SKAP2: variants seen among roughly 807,000 people sequenced by gnomAD.
SKAP2 encodes the protein src kinase associated phosphoprotein 2, also known as src kinase-associated phosphoprotein 2.
A neutral mutation model predicts 54.9 loss-of-function variants in SKAP2; 28 were observed. The observed-to-expected ratio is 0.51, with a 90% CI of 0.38 to 0.70. The LOEUF (loss-of-function observed/expected upper bound fraction) is 0.70, where lower values mean the gene tolerates loss of function less well. SKAP2 is among the 30% of genes least tolerant of loss of function. The probability of loss-of-function intolerance (pLI) is 0.00; values close to 1 mark genes in which losing one functional copy is unlikely to be tolerated. For missense variants in SKAP2, 356 were observed against 424.1 expected (o/e 0.84, Z 1.41); for synonymous variants, 137 against 134.3 (o/e 1.02, Z -0.14).
At chr7:26,675,462 C>A (rs187610248) in intron 11 of SKAP2, among the ~76,000 whole-genome samples, 1 of 152,150 alleles carries the variant, frequency 6.6e-6, no homozygotes, top group Admixed American at 6.5e-5. Context: ...GTAGATTTTA[C>A]GTACATTAGT....
At chr7:26,717,482 C>T (rs533890443) in intron 9 of SKAP2, among the ~76,000 whole-genome samples, 1 of 114,284 alleles carries the variant, frequency 8.8e-6, no homozygotes, top group East Asian at 2.7e-4. Flanking sequence ...TGCATTCTAG[C>T]CTGGGTGACA....
intron 4 of SKAP2, among the ~76,000 whole-genome samples, chr7:26,770,573 G>A (rs1464150754): frequency 6.6e-6 from 1 of 152,152 alleles, no homozygotes; most frequent in Non-Finnish European, 1.5e-5. Flanking sequence ...GAAACCCAGG[G>A]CCCTGGTGGC....
intron 3 of SKAP2, among the ~76,000 whole-genome samples, chr7:26,853,283 T>C (rs1283059457): frequency 1.3e-5 from 2 of 152,192 alleles, no homozygotes; most frequent in South Asian, 2.1e-4. Flanking sequence ...CCATACTGTG[T>C]GTCTTCCTCA....
chr7:26,687,251 C>T (rs559360747), intron 10 of SKAP2, among the ~76,000 whole-genome samples: 1 of 151,012 alleles, frequency 6.6e-6, no homozygotes, highest in East Asian at 2.0e-4. Flanking sequence ...CAAGATGCAT[C>T]TCTCCCTAGA....
intron 9 of SKAP2, among the ~76,000 whole-genome samples, chr7:26,692,423 A>G (rs1005096904): frequency 1.3e-5 from 2 of 152,172 alleles, no homozygotes; most frequent in African/African-American, 4.8e-5. Context: ...GTGGAAATTT[A>G]GGAGTCTCCT....
At chr7:26,859,732 C>T (rs570442213) in intron 1 of SKAP2, among the ~76,000 whole-genome samples, 7 of 152,300 alleles carry the variant, frequency 4.6e-5, no homozygotes, top group South Asian at 4.1e-4. Flanking sequence ...CTTTTTACTA[C>T]ATATTTTCAA....
At chr7:26,795,953 G>A (rs1320066601) in intron 4 of SKAP2, among the ~76,000 whole-genome samples, 1 of 152,030 alleles carries the variant, frequency 6.6e-6, no homozygotes, top group Non-Finnish European at 1.5e-5. Context: ...CAAATATATT[G>A]GAAAATTTTT....
At chr7:26,831,235 A>G (rs1784587744) in intron 4 of SKAP2, among the ~76,000 whole-genome samples, 2 of 152,182 alleles carry the variant, frequency 1.3e-5, no homozygotes, top group Admixed American at 6.5e-5. Flanking sequence ...CAGGTATAAA[A>G]TTTCTTTATT....
chr7:26,737,204 G>A (rs1251523919), intron 6 of SKAP2, among the ~76,000 whole-genome samples: 1 of 152,174 alleles, frequency 6.6e-6, no homozygotes, highest in African/African-American at 2.4e-5. Context: ...GTGGAAGGTA[G>A]TATCTCGATC....
chr7:26,665,733 G>A (rs975623854), downstream of SKAP2, among the ~76,000 whole-genome samples: 3 of 152,066 alleles, frequency 2.0e-5, no homozygotes, highest in South Asian at 2.1e-4. Flanking sequence ...TGCTATCAGA[G>A]GTTCTAACAG....
chr7:26,857,477 C>A, intron 1 of SKAP2: 2 of 985,206 alleles, frequency 2.0e-6, no homozygotes, highest in Non-Finnish European at 2.4e-6. Context: ...CGAATGAAAC[C>A]AGCCTCTTCC....
At chr7:26,766,202 T>C (rs189582871) in intron 4 of SKAP2, among the ~76,000 whole-genome samples, 2 of 152,174 alleles carry the variant, frequency 1.3e-5, no homozygotes, top group Non-Finnish European at 2.9e-5. Context: ...TTGTAAGTTG[T>C]ATTCCTAGGT....
chr7:26,806,351 G>A (rs1020107549), intron 4 of SKAP2, among the ~76,000 whole-genome samples: 3 of 152,130 alleles, frequency 2.0e-5, no homozygotes, highest in African/African-American at 7.2e-5. Context: ...CCAGGAGTTT[G>A]AGACTAGCCT....
At chr7:26,843,565 T>G (rs748382385) in intron 4 of SKAP2, among the ~76,000 whole-genome samples, 1 of 151,988 alleles carries the variant, frequency 6.6e-6, no homozygotes, top group Non-Finnish European at 1.5e-5. Flanking sequence ...AAAAGAAGCA[T>G]TTGATAAAAA....
chr7:26,722,068 C>T (rs1787590331), intron 9 of SKAP2, among the ~76,000 whole-genome samples: 1 of 152,076 alleles, frequency 6.6e-6, no homozygotes, highest in Admixed American at 6.5e-5. Context: ...ACCTGACTGG[C>T]CTATGCTAAT....
chr7:26,854,181 A>G lies in SKAP2; in HGVS notation c.174-19T>C. On this transcript the variant is annotated intron_variant, in intron 2 of 12. Transcript: ENST00000345317. ...AAGATAGCTACAAAACAAAGAACAT[A>G]TTTTTAAATGAGGTTGAAAAATCAA... 1 of 1,532,460 alleles carries G rather than the reference A, an allele frequency of 6.5e-7. No individual in the cohort carries two copies. Among genetic ancestry groups the G allele is most frequent in the African/African-American group, 1.4e-5 (1 of 72,066 alleles). 94.9% of individuals were successfully genotyped at this position (1,532,460 alleles called of 1,614,324 possible). A position where few individuals can be genotyped will look rare whatever the true frequency, so the allele number is the denominator to read the frequency against.
downstream of SKAP2, among the ~76,000 whole-genome samples, chr7:26,665,601 G>C (rs2128082078): frequency 6.6e-6 from 1 of 152,164 alleles, no homozygotes; most frequent in South Asian, 2.1e-4. Flanking sequence ...ATAAGTAATG[G>C]TAGAACAGAT....
At chr7:26,665,891 A>G (rs1347723941), downstream of SKAP2, among the ~76,000 whole-genome samples, 1 of 152,142 alleles carries the variant, frequency 6.6e-6, no homozygotes, top group African/African-American at 2.4e-5. Context: ...TATTTTAACA[A>G]TGTAGTACTT....
chr7:26,736,317 C>A lies in SKAP2; in HGVS notation c.469+2478G>T, dbSNP rs180789303. 3.9e-5 allele frequency among the ~76,000 whole-genome samples: 6 copies of A among 152,280 alleles called. No homozygotes were observed. The East Asian group carries it at 1.2e-3, about 29-fold the overall frequency. ...GTGATGAAAATGACCTTTGGTTTTCCTCACTGCTCATTATATGCTAATTAT... is the reference window on the plus strand; with the variant it reads ...GTGATGAAAATGACCTTTGGTTTTCATCACTGCTCATTATATGCTAATTAT... On this transcript the variant is annotated intron_variant, in intron 6 of 12. Coordinates refer to ENST00000345317, the MANE Select transcript of SKAP2 (RefSeq NM_003930.5).
Sources: gnomAD v4.1 joint callset for allele counts (sites outside exome capture counted in the v4.1 genomes callset) on GRCh38, gnomAD v4.1.1 for gene constraint, MANE v1.5 for transcripts, NCBI Gene and HGNC (gene_info 2026-07-23, HGNC 2026-07-21) for gene names.